RAB3C: variants seen among roughly 807,000 people sequenced by gnomAD.
RAB3C encodes RAB3C, member RAS oncogene family, also known as ras-related protein Rab-3C.
Under a neutral mutation model 26.4 loss-of-function variants are expected in RAB3C, and 17 were observed. The ratio of observed to expected loss-of-function variants is 0.64; its 90% CI spans 0.44 to 0.97. The LOEUF is 0.97. Ranked by LOEUF, RAB3C falls within the 50% of genes least tolerant of loss-of-function variation. RAB3C has a pLI of 0.00. For synonymous variants in RAB3C, 91 were observed against 95.9 expected (o/e 0.95, Z 0.30); for missense variants, 242 against 281.9 (o/e 0.86, Z 1.01).
At chr5:58,638,890 C>A (rs1747347680) in intron 2 of RAB3C, among the ~76,000 whole-genome samples, 1 of 152,184 alleles carries the variant, frequency 6.6e-6, no homozygotes, top group African/African-American at 2.4e-5. Flanking sequence ...CTGATGTTAG[C>A]CCCAATGGCA....
At position 58,759,460 on chromosome 5, in the gene RAB3C, C is replaced by A. The variant is rs141715739; in HGVS notation, c.371+33340C>A. 4.4e-3 allele frequency among the ~76,000 whole-genome samples: 677 copies of A among 152,302 alleles called. 7 individuals are homozygous for A. Among genetic ancestry groups the A allele is most frequent in the Non-Finnish European group, 7.4e-3 (502 of 68,016 alleles). On this transcript the variant is annotated intron_variant, in intron 3 of 4. Transcript: ENST00000282878. ...TCCCCAGTGTCTGGCACATAATTTA[C>A]ACTCAGTGAATATTTTGGAACAAGT...
At chr5:58,726,254 A>AT (rs1740886761) in intron 3 of RAB3C, 134 bp downstream of exon 3, 1 of 498,002 alleles carries the variant, frequency 2.0e-6, no homozygotes, top group East Asian at 3.1e-5. Context: ...CTTGTGCTTC[A>AT]TTTAAAAAAA....
chr5:58,782,264 G>A lies in RAB3C; in HGVS notation c.372-42774G>A, dbSNP rs1293221140. On this transcript the variant is annotated intron_variant, in intron 3 of 4. Coordinates refer to ENST00000282878, the MANE Select transcript of RAB3C (RefSeq NM_138453.4). The stretch of plus-strand genomic sequence containing the variant: ...GAGGCTTGGAAGAGAAAGCATCCTT[G>A]ACATAAGTGAGCTTTCTCTCTCTAC... Among the ~76,000 whole-genome samples, 6 of 152,214 alleles carry A rather than the reference G, an allele frequency of 3.9e-5. No individual in the cohort carries two copies. The East Asian group carries it at 9.7e-4, about 25-fold the overall frequency.
At position 58,856,330 on chromosome 5, in the gene RAB3C, T is replaced by G. The variant is rs1457707958; in HGVS notation, c.*4979T>G. The G allele has an allele frequency of 1.3e-5, 1 of 76,394 alleles. No individual in the cohort carries two copies. Among genetic ancestry groups the G allele is most frequent in the East Asian group, 2.2e-4 (1 of 4,476 alleles). The allele number at this position is 76,394 out of a possible 1,614,324, so 4.7% of individuals were successfully genotyped here. A position where few individuals can be genotyped will look rare whatever the true frequency, so the allele number is the denominator to read the frequency against. On this transcript the variant is annotated 3_prime_UTR_variant, in exon 5 of 5. Coordinates refer to ENST00000282878, the MANE Select transcript of RAB3C (RefSeq NM_138453.4). Reference sequence around the variant, plus strand: ...AACAGAAATGAGTCATTTTAAAACCTCACTCAGAGCTCGAGTGTTAAGATC... The same window carrying G: ...AACAGAAATGAGTCATTTTAAAACCGCACTCAGAGCTCGAGTGTTAAGATC...
chr5:58,792,523 G>C (rs4700308), intron 3 of RAB3C, among the ~76,000 whole-genome samples: 105,977 of 151,884 alleles, frequency 0.7, 38,137 homozygotes, highest in Non-Finnish European at 0.8. Flanking sequence ...CAAGGGACTA[G>C]TACAGTGCAG....
chr5:58,735,120 G>A (rs945844947), intron 3 of RAB3C, among the ~76,000 whole-genome samples: 5 of 152,158 alleles, frequency 3.3e-5, no homozygotes, highest in African/African-American at 1.2e-4. Context: ...TTATGCTCAG[G>A]AACAGCAGAC....
At chr5:58,751,085 C>T (rs1371464714) in intron 3 of RAB3C, among the ~76,000 whole-genome samples, 2 of 152,142 alleles carry the variant, frequency 1.3e-5, no homozygotes, top group African/African-American at 4.8e-5. Flanking sequence ...AACTCCAGGC[C>T]TCAAGTGATC....
At chr5:58,726,227 A>T (rs1012837991) in intron 3 of RAB3C, 107 bp downstream of exon 3, 2 of 564,606 alleles carry the variant, frequency 3.5e-6, no homozygotes, top group South Asian at 6.5e-5. Context: ...ATGTGTTTAC[A>T]TTACACTACA....
At chr5:58,613,209 A>G (rs1375175591) in intron 1 of RAB3C, among the ~76,000 whole-genome samples, 3 of 152,162 alleles carry the variant, frequency 2.0e-5, no homozygotes, top group Admixed American at 2.0e-4. Context: ...AATTAAATCC[A>G]TGATCTATTC....
At chr5:58,596,675 A>G in intron 1 of RAB3C, among the ~76,000 whole-genome samples, 1 of 61,498 alleles carries the variant, frequency 1.6e-5, no homozygotes, top group African/African-American at 6.1e-5. Flanking sequence ...TTATATATAA[A>G]TATATAATAT....
chr5:58,687,537 T>A (rs895508428), intron 2 of RAB3C, among the ~76,000 whole-genome samples: 1 of 151,700 alleles, frequency 6.6e-6, no homozygotes, highest in Non-Finnish European at 1.5e-5. Context: ...GGTGGGGGAG[T>A]GGACATTTTT....
intron 3 of RAB3C, among the ~76,000 whole-genome samples, chr5:58,760,723 C>T (rs1741778165): frequency 6.6e-6 from 1 of 152,090 alleles, no homozygotes. Flanking sequence ...TTTGAGAGCC[C>T]ATGATGGTCA....
At chr5:58,827,238 G>T (rs899685022) in intron 4 of RAB3C, among the ~76,000 whole-genome samples, 1 of 152,326 alleles carries the variant, frequency 6.6e-6, no homozygotes, top group East Asian at 1.9e-4. Context: ...GAGAGGGTTG[G>T]CAGGTTGGCT....
intron 3 of RAB3C, among the ~76,000 whole-genome samples, chr5:58,785,606 C>T (rs1742360916): frequency 6.6e-6 from 1 of 152,146 alleles, no homozygotes; most frequent in South Asian, 2.1e-4. Flanking sequence ...CCAAGTGATG[C>T]TGTTGCTGTT....
intron 3 of RAB3C, among the ~76,000 whole-genome samples, chr5:58,792,517 G>A (rs1051952460): frequency 5.3e-5 from 8 of 152,074 alleles, no homozygotes; most frequent in African/African-American, 1.7e-4. Context: ...CAAATGCAAG[G>A]GACTAGTACA....
Position 58,726,015 on chromosome 5 carries a change from A to G in RAB3C, c.266A>G (p.Gln89Arg). The change falls in exon 3 of 5, where the codon CAG becomes CGG. Residue 89 changes from glutamine (Q) to arginine (R), a missense_variant. Gln to Arg is a conservative substitution (Grantham distance 43, BLOSUM62 1). Transcript: ENST00000282878. ...TTTATTCTTTAGGACACAGCAGGCC[A>G]GGAAAGATACAGGACTATCACCACA... ...IKLQIWDTAG[Q>R]ERYRTITTAY... 6.3e-7 allele frequency: 1 copy of G among 1,593,612 alleles called. No homozygotes were observed. Among genetic ancestry groups the G allele is most frequent in the Non-Finnish European group, 8.6e-7 (1 of 1,167,544 alleles).
chr5:58,756,317 TTA>T (rs372230172), intron 3 of RAB3C, among the ~76,000 whole-genome samples: 81 of 139,126 alleles, frequency 5.8e-4, no homozygotes, highest in East Asian at 1.0e-3. Flanking sequence ...GCCCCAGTAG[TTA>T]TATATATATA....
At chr5:58,602,240 AT>A (rs1276591180) in intron 1 of RAB3C, among the ~76,000 whole-genome samples, 1 of 152,018 alleles carries the variant, frequency 6.6e-6, no homozygotes, top group Non-Finnish European at 1.5e-5. Flanking sequence ...ATTTTCTTAA[AT>A]TTTTTGAGGT....
At chr5:58,825,820 AG>A (rs1434882993) in intron 4 of RAB3C, among the ~76,000 whole-genome samples, 1 of 152,196 alleles carries the variant, frequency 6.6e-6, no homozygotes, top group Non-Finnish European at 1.5e-5. Flanking sequence ...TTTAATACAA[AG>A]GAGGGATTGA....
Sources: gnomAD v4.1 joint callset for allele counts (sites outside exome capture counted in the v4.1 genomes callset) on GRCh38, gnomAD v4.1.1 for gene constraint, MANE v1.5 for transcripts, NCBI Gene and HGNC (gene_info 2026-07-23, HGNC 2026-07-21) for gene names.